ST6GALNAC5: variants seen among roughly 807,000 people sequenced by gnomAD.
ST6GALNAC5 encodes the protein alpha-N-acetylgalactosaminide alpha-2,6-sialyltransferase 5.
In ST6GALNAC5, 27 loss-of-function variants were observed where a neutral mutation model predicts 33.6. The ratio of observed to expected loss-of-function variants is 0.80; its 90% CI spans 0.59 to 1.11. The LOEUF is 1.11. Among genes scored for constraint, ST6GALNAC5 ranks in the 50% least tolerant of loss-of-function variants. The probability of loss-of-function intolerance (pLI) is 0.00; values close to 1 mark genes in which losing one functional copy is unlikely to be tolerated. For synonymous variants in ST6GALNAC5, 194 were observed against 171.2 expected (o/e 1.13, Z -1.04); for missense variants, 428 against 454.0 (o/e 0.94, Z 0.52).
Position 76,915,506 on chromosome 1 carries a change from C to T in ST6GALNAC5, c.261+46764C>T, listed in dbSNP as rs542285915. 4.8e-3 allele frequency among the ~76,000 whole-genome samples: 728 copies of T among 152,110 alleles called. 3 individuals are homozygous for T. Among genetic ancestry groups the T allele is most frequent in the African/African-American group, 0.015 (643 of 41,494 alleles). ...GGCATATATACACCATGGAATACTA[C>T]GCAGCCATAAAAAATGATGAGTTCC... On this transcript the variant is annotated intron_variant, in intron 2 of 4. Transcript: ENST00000477717.
At chr1:76,983,418 C>T (rs763752356) in intron 2 of ST6GALNAC5, among the ~76,000 whole-genome samples, 1 of 152,010 alleles carries the variant, frequency 6.6e-6, no homozygotes, top group Admixed American at 6.6e-5. Flanking sequence ...AGACAAAGAA[C>T]ACCATTACAT....
chr1:77,032,235 G>A (rs1256975573), intron 2 of ST6GALNAC5, among the ~76,000 whole-genome samples: 1 of 152,120 alleles, frequency 6.6e-6, no homozygotes, highest in African/African-American at 2.4e-5. Context: ...CTGGAGTAGA[G>A]AGGAACCATG....
intron 2 of ST6GALNAC5, among the ~76,000 whole-genome samples, chr1:76,972,461 A>G (rs139523075): frequency 3.3e-4 from 51 of 152,298 alleles, no homozygotes; most frequent in African/African-American, 1.2e-3. Context: ...ATGATTATGC[A>G]TCTTCCTTTT....
chr1:76,945,951 A>ACCTTGTTCCATTTTACC (rs1212934064), intron 2 of ST6GALNAC5, among the ~76,000 whole-genome samples: 3 of 152,150 alleles, frequency 2.0e-5, no homozygotes, highest in Non-Finnish European at 4.4e-5. Flanking sequence ...AATGAGGCTA[A>ACCTTGTTCCATTTTACC]GAGAAACCTT....
chr1:76,964,367 G>A (rs912098750), intron 2 of ST6GALNAC5, among the ~76,000 whole-genome samples: 9 of 151,918 alleles, frequency 5.9e-5, no homozygotes, highest in South Asian at 4.1e-4. Context: ...GTGATATTTC[G>A]TGGCTCAAAA....
intron 2 of ST6GALNAC5, among the ~76,000 whole-genome samples, chr1:76,918,262 A>C (rs992044695): frequency 6.6e-6 from 1 of 152,138 alleles, no homozygotes; most frequent in African/African-American, 2.4e-5. Context: ...GATCTCTAAT[A>C]AAATGCTTCT....
rs902374553 is a variant in ST6GALNAC5, at chr1:76,990,313, C to T, written c.262-53891C>T. ...TACAAGAATATCTTCATGGCAACTA[C>T]AGGCATTGCTCATTGTATGGCAAGC... On this transcript the variant is annotated intron_variant, in intron 2 of 4. Coordinates refer to ENST00000477717, the MANE Select transcript of ST6GALNAC5 (RefSeq NM_030965.3). Among the ~76,000 whole-genome samples the T allele has an allele frequency of 3.3e-5, 5 of 152,262 alleles. No homozygotes were observed. In the East Asian group the frequency reaches 9.6e-4, roughly 29 times the overall value.
chr1:77,003,313 C>T (rs1650251219), intron 2 of ST6GALNAC5, among the ~76,000 whole-genome samples: 1 of 128,040 alleles, frequency 7.8e-6, no homozygotes, highest in African/African-American at 2.6e-5. Flanking sequence ...AGGATTGCAA[C>T]CCCTGCCTTT....
At position 76,896,657 on chromosome 1, in the gene ST6GALNAC5, A is replaced by G. The variant is rs542851221; in HGVS notation, c.261+27915A>G. Among the ~76,000 whole-genome samples the G allele has an allele frequency of 4.6e-5, 7 of 152,324 alleles. No individual in the cohort carries two copies. The East Asian group carries it at 5.8e-4, about 13-fold the overall frequency. On this transcript the variant is annotated intron_variant, in intron 2 of 4. Coordinates refer to ENST00000477717, the MANE Select transcript of ST6GALNAC5 (RefSeq NM_030965.3). ...GGTATCAGGAATAATGTGGGAGGCCAGATTGAAGTCCGGGCCAGGAACAAT... is the reference window on the plus strand; with the variant it reads ...GGTATCAGGAATAATGTGGGAGGCCGGATTGAAGTCCGGGCCAGGAACAAT...
chr1:76,947,794 G>A (rs1332586708), intron 2 of ST6GALNAC5, among the ~76,000 whole-genome samples: 16 of 152,064 alleles, frequency 1.1e-4, no homozygotes, highest in Non-Finnish European at 1.5e-5. Context: ...TAAAGCAGAA[G>A]AGAAAATGTG....
intron 2 of ST6GALNAC5, among the ~76,000 whole-genome samples, chr1:76,957,349 C>T (rs945789781): frequency 6.6e-6 from 1 of 152,154 alleles, no homozygotes; most frequent in African/African-American, 2.4e-5. Context: ...CCTCCTTCCT[C>T]ATGGGTCTCT....
At chr1:76,871,673 G>A (rs184373683) in intron 2 of ST6GALNAC5, among the ~76,000 whole-genome samples, 118 of 152,204 alleles carry the variant, frequency 7.8e-4, no homozygotes, top group African/African-American at 2.3e-3. Flanking sequence ...AGTGATGAGC[G>A]GCATGTGTTG....
intron 2 of ST6GALNAC5, among the ~76,000 whole-genome samples, chr1:76,973,835 T>G (rs2100368851): frequency 6.6e-6 from 1 of 152,348 alleles, no homozygotes; most frequent in South Asian, 2.1e-4. Flanking sequence ...CATCTTCTTC[T>G]GATTTAAGAT....
chr1:77,065,530 G>T lies in ST6GALNAC5; in HGVS notation c.*2324G>T, dbSNP rs1389162285. On this transcript the variant is annotated 3_prime_UTR_variant, in exon 5 of 5. Coordinates refer to ENST00000477717, the MANE Select transcript of ST6GALNAC5 (RefSeq NM_030965.3). ...TTTTTTAAAAATGTGGTGTAAATAA[G>T]TGTAAAAAATTACCACTTGCAAAGT... 6.6e-6 allele frequency: 1 copy of T among 152,140 alleles called. No homozygotes were observed. The highest frequency in any genetic ancestry group is 2.4e-5 in the African/African-American group (1 of 41,416). The allele number at this position is 152,140 out of a possible 1,614,324, so 9.4% of individuals were successfully genotyped here.
At position 77,057,933 on chromosome 1, in the gene ST6GALNAC5, G is replaced by A. The variant is rs114928126; in HGVS notation, c.780-5042G>A. Among the ~76,000 whole-genome samples the A allele has an allele frequency of 1.4e-3, 219 of 152,246 alleles. 1 individual carries two copies. Among genetic ancestry groups the A allele is most frequent in the African/African-American group, 3.8e-3 (156 of 41,544 alleles). Reference sequence around the variant, plus strand: ...ACAAACCCCTGTTGCCATTAGCACCGATGGGCAGAATTGCACATGAGCACA... The same window carrying A: ...ACAAACCCCTGTTGCCATTAGCACCAATGGGCAGAATTGCACATGAGCACA... On this transcript the variant is annotated intron_variant, in intron 4 of 4. Transcript: ENST00000477717.
chr1:76,974,436 C>T (rs1478223883), intron 2 of ST6GALNAC5, among the ~76,000 whole-genome samples: 1 of 151,924 alleles, frequency 6.6e-6, no homozygotes, highest in Non-Finnish European at 1.5e-5. Flanking sequence ...CACCTGGCCT[C>T]ACGCAATTCT....
At chr1:76,904,546 A>C (rs1349099695) in intron 2 of ST6GALNAC5, among the ~76,000 whole-genome samples, 1 of 152,206 alleles carries the variant, frequency 6.6e-6, no homozygotes, top group Non-Finnish European at 1.5e-5. Context: ...AGTTATTCAG[A>C]CAGATGTAGT....
chr1:76,888,803 G>A (rs1028691528), intron 2 of ST6GALNAC5, among the ~76,000 whole-genome samples: 13 of 149,406 alleles, frequency 8.7e-5, no homozygotes, highest in South Asian at 6.3e-4. Context: ...AATAAAAATC[G>A]TATATATTTA....
intron 4 of ST6GALNAC5, among the ~76,000 whole-genome samples, chr1:77,060,485 T>C (rs530683892): frequency 2.0e-5 from 3 of 152,300 alleles, no homozygotes; most frequent in African/African-American, 4.8e-5. Context: ...TTCCAGCTGA[T>C]GGCAGGCTCA....
Sources: allele counts gnomAD v4.1 joint callset (sites outside exome capture counted in the v4.1 genomes callset), GRCh38; gene constraint gnomAD v4.1.1; transcripts MANE v1.5; gene names NCBI Gene and HGNC (gene_info 2026-07-23, HGNC 2026-07-21).